NUCB2: variants seen among roughly 807,000 people sequenced by gnomAD.
NUCB2 encodes the protein nucleobindin 2.
In NUCB2, 48 loss-of-function variants were observed where a neutral mutation model predicts 57.9. The observed-to-expected ratio is 0.83, with a 90% CI of 0.66 to 1.05. The LOEUF is 1.05. NUCB2 is among the 50% of genes least tolerant of loss of function. NUCB2 has a pLI of 0.00. For missense variants in NUCB2, 442 were observed against 476.2 expected (o/e 0.93, Z 0.67); for synonymous variants, 139 against 152.1 (o/e 0.91, Z 0.64).
At chr11:17,287,634 C>G (rs972154564) in intron 2 of NUCB2, among the ~76,000 whole-genome samples, 1 of 142,102 alleles carries the variant, frequency 7.0e-6, no homozygotes, top group Admixed American at 7.3e-5. Context: ...GATTGCACCA[C>G]TGCATTCTAG....
intron 5 of NUCB2, among the ~76,000 whole-genome samples, chr11:17,306,922 AAAAAG>A (rs1472555574): frequency 6.6e-6 from 1 of 152,060 alleles, no homozygotes; most frequent in Non-Finnish European, 1.5e-5. Context: ...AAAAAAAAAA[AAAAAG>A]AAAAGAAAAC....
In NUCB2 at chr11:17,327,223, G is replaced by C. The variant is rs571441813; in HGVS notation, c.1003-2904G>C. On this transcript the variant is annotated intron_variant, in intron 11 of 13. Transcript: ENST00000529010. The stretch of plus-strand genomic sequence containing the variant: ...TTACAGGTGTGTGCCATCACATCTG[G>C]CTGATTTTTATATTTTTAGGTGAGA... Among the ~76,000 whole-genome samples, 353 of 152,176 alleles carry C rather than the reference G, an allele frequency of 2.3e-3. 2 individuals are homozygous for C. Among genetic ancestry groups the C allele is most frequent in the African/African-American group, 8.1e-3 (335 of 41,524 alleles).
intron 2 of NUCB2, among the ~76,000 whole-genome samples, chr11:17,341,226 G>A (rs1158009213): frequency 6.6e-6 from 1 of 152,070 alleles, no homozygotes; most frequent in African/African-American, 2.4e-5. Context: ...CTGAGACAGT[G>A]GGGTTTTCTA....
At chr11:17,282,006 A>G (rs1942671250) in intron 1 of NUCB2, among the ~76,000 whole-genome samples, 1 of 151,794 alleles carries the variant, frequency 6.6e-6, no homozygotes, top group Non-Finnish European at 1.5e-5. Flanking sequence ...GTGACAAACT[A>G]GGAACAAAGT....
downstream of NUCB2, among the ~76,000 whole-genome samples, chr11:17,337,057 C>T (rs936449100): frequency 6.6e-6 from 1 of 152,028 alleles, no homozygotes; most frequent in Admixed American, 6.6e-5. Flanking sequence ...CCTCCTGTCT[C>T]AGCTTCCTGA....
At position 17,302,800 on chromosome 11, in the gene NUCB2, C is replaced by T. The variant is rs565913038; in HGVS notation, c.379+930C>T. 4.9e-3 allele frequency among the ~76,000 whole-genome samples: 740 copies of T among 150,952 alleles called. 13 individuals carry two copies. Among genetic ancestry groups the T allele is most frequent in the East Asian group, 0.01 (52 of 5,142 alleles). ...TGTCGCCCAGGCTGGAGTGCAGTGG[C>T]GTGATCTTGGCTCACTGCAAGCTCT... On this transcript the variant is annotated intron_variant, in intron 5 of 13. Coordinates refer to ENST00000529010, the MANE Select transcript of NUCB2 (RefSeq NM_005013.4).
At chr11:17,328,269 C>T (rs1007378039) in intron 11 of NUCB2, among the ~76,000 whole-genome samples, 4 of 152,194 alleles carry the variant, frequency 2.6e-5, no homozygotes, top group South Asian at 2.1e-4. Context: ...TGCTGAGCCA[C>T]CTGGAACTGG....
chr11:17,343,257 C>T (rs994491846), intron 2 of NUCB2, among the ~76,000 whole-genome samples: 11 of 152,018 alleles, frequency 7.2e-5, no homozygotes, highest in African/African-American at 1.9e-4. Flanking sequence ...TGGGTCTTGA[C>T]GCTTTATCCA....
At chr11:17,338,896 T>G (rs2139588355) in intron 2 of NUCB2, among the ~76,000 whole-genome samples, 1 of 152,340 alleles carries the variant, frequency 6.6e-6, no homozygotes, top group South Asian at 2.1e-4. Context: ...ACTCCTGACC[T>G]CAGGTGATCC....
intron 11 of NUCB2, among the ~76,000 whole-genome samples, chr11:17,326,570 C>T (rs995960654): frequency 7.9e-5 from 12 of 152,146 alleles, no homozygotes; most frequent in East Asian, 7.7e-4. Flanking sequence ...CTGCCTACCT[C>T]GGCCTCCCAA....
intron 10 of NUCB2, among the ~76,000 whole-genome samples, chr11:17,312,402 AAT>A (rs992868353): frequency 2.1e-5 from 3 of 143,548 alleles, no homozygotes; most frequent in Non-Finnish European, 4.6e-5. Flanking sequence ...ATGCCTACCT[AAT>A]ATTTTTTTTT....
At position 17,296,126 on chromosome 11, in the gene NUCB2, A is replaced by C; in HGVS notation, c.167A>C (p.Glu56Ala). The stretch of plus-strand genomic sequence containing the variant: ...AAGGATACTGGACTTTATTATGATG[A>C]ATATCTCAAGCAAGTGATTGATGTG... ...EPPDTGLYYD[E>A]YLKQVIDVLE... Residue 56 changes from glutamate (E) to alanine (A), a missense_variant, in exon 4 of 14, where the codon GAA (glutamate) becomes GCA (alanine). Physicochemically the swap from Glu to Ala is moderately radical, Grantham distance 107. Coordinates refer to ENST00000529010, the MANE Select transcript of NUCB2 (RefSeq NM_005013.4). 6.2e-7 allele frequency: 1 copy of C among 1,608,972 alleles called. No homozygotes were observed. The highest frequency in any genetic ancestry group is 1.1e-5 in the South Asian group (1 of 90,510).
At chr11:17,316,652 A>C (rs1949289103) in intron 11 of NUCB2, among the ~76,000 whole-genome samples, 1 of 152,190 alleles carries the variant, frequency 6.6e-6, no homozygotes, top group South Asian at 2.1e-4. Flanking sequence ...CTGCTCGAGA[A>C]AAGTATATCA....
intron 10 of NUCB2, among the ~76,000 whole-genome samples, chr11:17,313,049 C>T (rs570965930): frequency 9.2e-4 from 139 of 151,290 alleles, no homozygotes; most frequent in Middle Eastern, 3.4e-3. Flanking sequence ...GTCTTTGCTA[C>T]GTTGCCCAGG....
intron 2 of NUCB2, among the ~76,000 whole-genome samples, chr11:17,337,932 G>C (rs937823221): frequency 2.6e-5 from 4 of 152,154 alleles, no homozygotes; most frequent in African/African-American, 9.7e-5. Context: ...ACTGCGCCTG[G>C]CCTTTTCCTT....
At chr11:17,286,885 CATT>C (rs1167281322) in intron 2 of NUCB2, among the ~76,000 whole-genome samples, 1 of 151,970 alleles carries the variant, frequency 6.6e-6, no homozygotes, top group Admixed American at 6.6e-5. Context: ...ACTTTTGTGT[CATT>C]ATTTTTCTGC....
intron 11 of NUCB2, among the ~76,000 whole-genome samples, chr11:17,324,107 G>A (rs1950360274): frequency 6.6e-6 from 1 of 151,890 alleles, no homozygotes. Flanking sequence ...TTTGGATTCA[G>A]TTTGCTCTTG....
chr11:17,282,236 C>CTATCTATCTATA (rs370686689), intron 1 of NUCB2, among the ~76,000 whole-genome samples: 3 of 104,084 alleles, frequency 2.9e-5, no homozygotes, highest in Non-Finnish European at 4.2e-5. Context: ...ATCTATCTAT[C>CTATCTATCTATA]TATATATATA....
chr11:17,348,461 C>G (rs890596254), intron 2 of NUCB2, among the ~76,000 whole-genome samples: 1 of 149,780 alleles, frequency 6.7e-6, no homozygotes, highest in Admixed American at 6.8e-5. Flanking sequence ...ACCTCAGCCT[C>G]TCAAATAGCT....
Sources: gnomAD v4.1 joint callset for allele counts (sites outside exome capture counted in the v4.1 genomes callset) on GRCh38, gnomAD v4.1.1 for gene constraint, MANE v1.5 for transcripts, NCBI Gene and HGNC (gene_info 2026-07-23, HGNC 2026-07-21) for gene names.